NAV1: variants seen among roughly 807,000 people sequenced by gnomAD.
The protein encoded by NAV1 is neuron navigator 1.
NAV1 carries 18 observed loss-of-function variants against 175.2 expected under a neutral mutation model. That is an observed-to-expected ratio of 0.10 (90% confidence interval 0.07 to 0.15). The LOEUF is 0.15. Among genes scored for constraint, NAV1 ranks in the 10% least tolerant of loss-of-function variants. NAV1 has a pLI of 1.00. For missense variants in NAV1, 1,731 were observed against 2,436.6 expected (o/e 0.71, Z 6.10); for synonymous variants, 897 against 978.7 (o/e 0.92, Z 1.56).
At chr1:201,592,539 C>T (rs1667231486) in intron 2 of NAV1, among the ~76,000 whole-genome samples, 1 of 152,220 alleles carries the variant, frequency 6.6e-6, no homozygotes, top group Non-Finnish European at 1.5e-5. Flanking sequence ...GTAGGCAGCA[C>T]TTTGCCCACT....
chr1:201,739,776 C>T, intron 3 of NAV1: 2 of 1,214,582 alleles, frequency 1.6e-6, no homozygotes, highest in Non-Finnish European at 2.0e-6. Context: ...CAGCCTGCAT[C>T]GCCGGGGCTC....
chr1:201,740,199 T>A lies in NAV1; in HGVS notation c.1226+21444T>A, dbSNP rs1426510387. 1.4e-5 allele frequency: 11 copies of A among 805,566 alleles called. No individual in the cohort carries two copies. The highest frequency in any genetic ancestry group is 1.9e-5 in the Non-Finnish European group (10 of 538,596). 49.9% of individuals were successfully genotyped at this position (805,566 alleles called of 1,614,324 possible). A position where few individuals can be genotyped will look rare whatever the true frequency, so the allele number is the denominator to read the frequency against. On this transcript the variant is annotated intron_variant, in intron 3 of 29. Coordinates refer to ENST00000367296, the Ensembl canonical transcript of NAV1. This position sits in a 1 kb window ranked among gnomAD's most constrained non-coding sequence, Gnocchi z 4.7. ...CAGCTGCAGTCTCAGGGGCAGTGGG[T>A]GTGGGGTCCGCAAGAAGGAGGGTCT...
chr1:201,800,817 CTTTTTTTTTTT>C (rs61404613), intron 15 of NAV1, among the ~76,000 whole-genome samples: 10 of 90,802 alleles, frequency 1.1e-4, no homozygotes, highest in South Asian at 3.7e-4. Context: ...CTTGGTGTAT[CTTTTTTTTTTT>C]TTTTTTTTTT....
intron 28 of NAV1, among the ~76,000 whole-genome samples, chr1:201,816,228 G>A (rs994932691): frequency 3.9e-5 from 6 of 152,006 alleles, no homozygotes; most frequent in African/African-American, 7.2e-5. Flanking sequence ...AAAATTAGCC[G>A]AGCGTGGTGG....
chr1:201,580,125 T>A (rs773301027), intron 1 of NAV1, among the ~76,000 whole-genome samples: 1 of 152,300 alleles, frequency 6.6e-6, no homozygotes, highest in Admixed American at 6.5e-5. Flanking sequence ...GAGAGCAAAT[T>A]CACTTTTTTG....
intron 1 of NAV1, among the ~76,000 whole-genome samples, chr1:201,554,659 G>A (rs1665959604): frequency 6.6e-6 from 1 of 152,222 alleles, no homozygotes; most frequent in Non-Finnish European, 1.5e-5. Flanking sequence ...TTTTGGAAGA[G>A]CACTGGACTG....
At chr1:201,620,047 C>T (rs1490283211), upstream of NAV1, among the ~76,000 whole-genome samples, 4 of 152,228 alleles carry the variant, frequency 2.6e-5, no homozygotes, top group Non-Finnish European at 5.9e-5. Context: ...CCAATAAGCC[C>T]TGGCTCTCAT....
chr1:201,593,863 T>C (rs963596820), intron 2 of NAV1, among the ~76,000 whole-genome samples: 4 of 152,162 alleles, frequency 2.6e-5, no homozygotes. Context: ...GCAGGGAGGA[T>C]GGATGAGCCT....
At chr1:201,747,192 G>A (rs1673825245) in intron 3 of NAV1, among the ~76,000 whole-genome samples, 1 of 152,126 alleles carries the variant, frequency 6.6e-6, no homozygotes, top group Non-Finnish European at 1.5e-5. Flanking sequence ...CCGTCCTCCT[G>A]GGCCCCCATT....
Position 201,785,299 on chromosome 1 carries a change from T to TA in NAV1, c.2805-10dup. On this transcript the variant is annotated splice_polypyrimidine_tract_variant and intron_variant, in intron 7 of 29. Transcript: ENST00000367296. The stretch of plus-strand genomic sequence containing the variant: ...CTCTCTCTCTTTTTTTTTTTTTTTT[T>TA]ATCTCCACAGTAATCAGCGGGATCG... The TA allele has an allele frequency of 6.5e-7, 1 of 1,534,018 alleles. No individual in the cohort carries two copies. Among genetic ancestry groups the TA allele is most frequent in the East Asian group, 2.3e-5 (1 of 43,184 alleles).
chr1:201,543,696 C>T (rs1332207992), intron 1 of NAV1, among the ~76,000 whole-genome samples: 4 of 152,034 alleles, frequency 2.6e-5, no homozygotes, highest in Admixed American at 2.0e-4. Context: ...CCATTTTAGC[C>T]ACTTCTAAAT....
chr1:201,609,085 G>A (rs1326352382), intron 2 of NAV1, among the ~76,000 whole-genome samples: 2 of 152,208 alleles, frequency 1.3e-5, no homozygotes, highest in South Asian at 2.1e-4. Flanking sequence ...TGAGTAACTC[G>A]GGAAGATGCT....
At chr1:201,713,700 T>G (rs1054190088) in intron 2 of NAV1, among the ~76,000 whole-genome samples, 3 of 152,112 alleles carry the variant, frequency 2.0e-5, no homozygotes, top group Non-Finnish European at 4.4e-5. Context: ...ACAGCCAGAT[T>G]GGGAAATCAT....
intron 1 of NAV1, among the ~76,000 whole-genome samples, chr1:201,624,653 C>G (rs995625255): frequency 2.6e-5 from 4 of 151,970 alleles, no homozygotes; most frequent in African/African-American, 9.7e-5. Context: ...GCAAACTATG[C>G]TTTTTTTAAA....
chr1:201,824,015 C>G (rs961802791), exon 30 of NAV1: 5 of 151,924 alleles, frequency 3.3e-5, no homozygotes, highest in African/African-American at 1.2e-4. Context: ...ACTCAGTCCT[C>G]CAAATCAAGG....
exon 30 of NAV1, chr1:201,821,538 ACACACACACACAC>A (rs1263103423): frequency 1.4e-4 from 15 of 103,626 alleles, no homozygotes; most frequent in African/African-American, 4.4e-4. Flanking sequence ...ACACACACAC[ACACACACACACAC>A]AAGACCTGGG....
chr1:201,695,673 T>G (rs893734192), intron 1 of NAV1, among the ~76,000 whole-genome samples: 2 of 152,236 alleles, frequency 1.3e-5, no homozygotes, highest in Non-Finnish European at 2.9e-5. Flanking sequence ...GTGGGCTGGA[T>G]GCAGGCCCTG....
At chr1:201,600,850 C>T (rs1299624641) in intron 2 of NAV1, among the ~76,000 whole-genome samples, 1 of 152,208 alleles carries the variant, frequency 6.6e-6, no homozygotes, top group East Asian at 1.9e-4. Flanking sequence ...AGATTCCCTA[C>T]CTGAAGTCTG....
chr1:201,779,445 A>AG (rs1201766347), intron 3 of NAV1, among the ~76,000 whole-genome samples: 1 of 150,754 alleles, frequency 6.6e-6, no homozygotes, highest in Non-Finnish European at 1.5e-5. Context: ...AAAAAAAAAA[A>AG]ATAGTAGCTG....
Sources: gnomAD v4.1 joint callset for allele counts (sites outside exome capture counted in the v4.1 genomes callset) on GRCh38, gnomAD v4.1.1 for gene constraint, Gnocchi (gnomAD v3.1) non-coding constraint, MANE v1.5 for transcripts, NCBI Gene and HGNC (gene_info 2026-07-23, HGNC 2026-07-21) for gene names.